Variants in XYLT1 observed in about 807,000 individuals in gnomAD.
XYLT1 encodes the protein xylosyltransferase 1, also known as beta-D-xylosyltransferase 1.
In XYLT1, 36 loss-of-function variants were observed where a neutral mutation model predicts 91.3. The observed-to-expected ratio is 0.39, with a 90% confidence interval of 0.30 to 0.52. The LOEUF is 0.52. Among genes scored for constraint, XYLT1 ranks in the 20% least tolerant of loss-of-function variants. XYLT1 has a pLI of 0.68. For synonymous variants in XYLT1, 588 were observed against 532.0 expected, an observed-to-expected ratio of 1.11 and a Z score of -1.45; for missense variants, 1,242 against 1,284.5, an observed-to-expected ratio of 0.97 and a Z score of 0.51.
intron 5 of XYLT1, among the ~76,000 whole-genome samples, chr16:17,160,632 G>C (rs1036420391): frequency 1.3e-5 from 2 of 152,192 alleles, no homozygotes; most frequent in Non-Finnish European, 2.9e-5. Context: ...CACACGGAAA[G>C]CTAAACCTTG....
intron 5 of XYLT1, among the ~76,000 whole-genome samples, chr16:17,162,708 C>A (rs1230494416): frequency 6.6e-6 from 1 of 152,182 alleles, no homozygotes; most frequent in East Asian, 1.9e-4. Context: ...ACTTCAGGCC[C>A]CACCCAATAC....
At chr16:17,122,706 G>T (rs897519144) in intron 10 of XYLT1, among the ~76,000 whole-genome samples, 6 of 152,166 alleles carry the variant, frequency 3.9e-5, no homozygotes, top group African/African-American at 1.2e-4. Context: ...TCTAGAATTT[G>T]TATGGTTTCA....
At chr16:17,355,748 C>A (rs951369715) in intron 2 of XYLT1, among the ~76,000 whole-genome samples, 10 of 152,094 alleles carry the variant, frequency 6.6e-5, no homozygotes, top group Non-Finnish European at 1.0e-4. Flanking sequence ...CTCACTCTGT[C>A]ACCCAGGCTG....
chr16:17,456,386 G>A lies in XYLT1; in HGVS notation c.363+14048C>T, dbSNP rs182167476. Among the ~76,000 whole-genome samples, 406 of 143,456 alleles carry A rather than the reference G, an allele frequency of 2.8e-3. 4 individuals are homozygous for A. The highest frequency in any genetic ancestry group is 2.3e-3 in the Non-Finnish European group (151 of 66,918). The allele number at this position is 143,456 out of a possible 152,430, so 94.1% of individuals were successfully genotyped here. A position where few individuals can be genotyped will look rare whatever the true frequency, so the allele number is the denominator to read the frequency against. ...AGGATCTTGCTCGGTCACCCAGGCT[G>A]GAGTGCAGTGGTGCGATCACGGCTC... On this transcript the variant is annotated intron_variant, in intron 1 of 11. Coordinates refer to ENST00000261381, the MANE Select transcript of XYLT1 (RefSeq NM_022166.4).
intron 1 of XYLT1, among the ~76,000 whole-genome samples, chr16:17,420,797 T>C (rs546973143): frequency 3.9e-4 from 59 of 152,346 alleles, no homozygotes; most frequent in African/African-American, 1.3e-3. Flanking sequence ...CCCCAGGGCT[T>C]AGCTTTGAAG....
At chr16:17,381,214 A>G (rs1237743031) in intron 1 of XYLT1, among the ~76,000 whole-genome samples, 1 of 152,114 alleles carries the variant, frequency 6.6e-6, no homozygotes, top group East Asian at 1.9e-4. Context: ...GAGAAATAAG[A>G]AAATCCTGGG....
chr16:17,304,430 G>C (rs928309236), intron 2 of XYLT1, among the ~76,000 whole-genome samples: 2 of 152,080 alleles, frequency 1.3e-5, no homozygotes, highest in East Asian at 3.8e-4. Context: ...CAGAAATGCT[G>C]TATGTGGATG....
intron 3 of XYLT1, among the ~76,000 whole-genome samples, chr16:17,201,523 G>A (rs1045695275): frequency 1.9e-4 from 28 of 148,334 alleles, no homozygotes; most frequent in African/African-American, 6.7e-4. Flanking sequence ...TGCCCAGGCT[G>A]CAGTGCAGTG....
intron 1 of XYLT1, among the ~76,000 whole-genome samples, chr16:17,416,938 C>T (rs2036187255): frequency 6.6e-6 from 1 of 152,188 alleles, no homozygotes; most frequent in African/African-American, 2.4e-5. Flanking sequence ...AACGAGGTGG[C>T]TGGTGTTGCT....
chr16:17,349,754 G>A (rs564755700), intron 2 of XYLT1, among the ~76,000 whole-genome samples: 8 of 151,654 alleles, frequency 5.3e-5, no homozygotes, highest in Non-Finnish European at 7.4e-5. Flanking sequence ...AGAGGGACTC[G>A]CATGCAGTAT....
At chr16:17,293,632 C>T (rs2034264929) in intron 2 of XYLT1, among the ~76,000 whole-genome samples, 1 of 151,816 alleles carries the variant, frequency 6.6e-6, no homozygotes, top group South Asian at 2.1e-4. Context: ...GGATTATAGG[C>T]ACCCATCACC....
chr16:17,306,053 G>A (rs1441712070), intron 2 of XYLT1, among the ~76,000 whole-genome samples: 4 of 152,160 alleles, frequency 2.6e-5, no homozygotes, highest in Non-Finnish European at 5.9e-5. Context: ...CTGAAAAGGA[G>A]ACAGGATTAA....
intron 3 of XYLT1, chr16:17,251,451 T>C (rs374072009): frequency 1.6e-4 from 25 of 152,402 alleles, no homozygotes; most frequent in African/African-American, 6.0e-4. Context: ...TCATTTCTAA[T>C]TCTTCACCTG....
chr16:17,208,751 G>A (rs1295072926), intron 3 of XYLT1, among the ~76,000 whole-genome samples: 1 of 152,098 alleles, frequency 6.6e-6, no homozygotes, highest in South Asian at 2.1e-4. Context: ...GTTCGAGATG[G>A]AATCTCACTG....
intron 5 of XYLT1, among the ~76,000 whole-genome samples, chr16:17,165,346 G>A (rs184365222): frequency 5.4e-4 from 82 of 152,240 alleles, no homozygotes; most frequent in East Asian, 5.8e-4. Context: ...TCATCAGCAC[G>A]TACAGGCAGA....
chr16:17,438,246 T>A (rs775185264), intron 1 of XYLT1, among the ~76,000 whole-genome samples: 1 of 152,196 alleles, frequency 6.6e-6, no homozygotes, highest in Non-Finnish European at 1.5e-5. Context: ...ATGATGTTAA[T>A]AGCGCTCTCC....
chr16:17,158,085 C>T (rs544489493), intron 6 of XYLT1, among the ~76,000 whole-genome samples: 21 of 152,378 alleles, frequency 1.4e-4, no homozygotes, highest in Admixed American at 2.6e-4. Flanking sequence ...AATCCCATCA[C>T]GTGATGTCAC....
In XYLT1 at chr16:17,259,185, G is replaced by T; in HGVS notation, c.716C>A (p.Ala239Asp). Residue 239 changes from alanine (A) to aspartate (D), a missense_variant, in exon 3 of 12, where the codon GCC becomes GAC. Transcript: ENST00000261381. Reference protein sequence around the residue: ...HGKDVSRPPHARKTGGSSPET... With the variant: ...HGKDVSRPPHDRKTGGSSPET... Reference sequence around the variant, plus strand: ...GGGGGAGCTGCCCCCAGTTTTCCTGGCATGAGGCGGTCTGGACACATCCTT... The same window carrying T: ...GGGGGAGCTGCCCCCAGTTTTCCTGTCATGAGGCGGTCTGGACACATCCTT... 1 of 1,603,592 alleles carries T rather than the reference G, an allele frequency of 6.2e-7. No individual in the cohort carries two copies. Among genetic ancestry groups the T allele is most frequent in the Non-Finnish European group, 8.5e-7 (1 of 1,174,578 alleles).
In XYLT1 at chr16:17,470,458, C is replaced by G; in HGVS notation, c.339G>C (p.Arg113=). 3 of 1,231,900 alleles carry G rather than the reference C, an allele frequency of 2.4e-6. No homozygotes were observed. Among genetic ancestry groups the G allele is most frequent in the African/African-American group, 1.6e-5 (1 of 64,338 alleles). 76.3% of individuals were successfully genotyped at this position (1,231,900 alleles called of 1,614,324 possible). A position where few individuals can be genotyped will look rare whatever the true frequency, so the allele number is the denominator to read the frequency against. The change falls in exon 1 of 12, where the codon CGG becomes CGC. Residue 113 remains arginine (R), a synonymous_variant. Transcript: ENST00000261381. ...GEPRGQQPAS[R]GALPARALDP... is the part of the protein sequence containing the mutation. The stretch of plus-strand genomic sequence containing the variant: ...CCAGAGCCCGGGCGGGCAGTGCCCC[C>G]CGGCTGGCCGGCTGCTGTCCCCGCG...
Sources: allele counts gnomAD v4.1 joint callset (sites outside exome capture counted in the v4.1 genomes callset), GRCh38; gene constraint gnomAD v4.1.1; transcripts MANE v1.5; gene names NCBI Gene and HGNC (gene_info 2026-07-23, HGNC 2026-07-21).